TLR2: variants seen among roughly 807,000 people sequenced by gnomAD.
The protein encoded by TLR2 is toll like receptor 2, also known as toll-like receptor 2.
TLR2 carries 7 observed loss-of-function variants against 9.1 expected under a neutral mutation model. That is an observed-to-expected ratio of 0.77 (90% confidence interval 0.44 to 1.44). The LOEUF (loss-of-function observed/expected upper bound fraction) is 1.44. Ranked by LOEUF, TLR2 falls within the 40% of genes most tolerant of loss-of-function variation. TLR2 has a pLI of 0.01. For missense variants in TLR2, 812 were observed against 904.6 expected (o/e 0.90, Z 1.31); for synonymous variants, 317 against 344.6 (o/e 0.92, Z 0.89).
At chr4:153,700,607 G>A (rs1174762266) in intron 2 of TLR2, among the ~76,000 whole-genome samples, 1 of 151,622 alleles carries the variant, frequency 6.6e-6, no homozygotes, top group Admixed American at 6.6e-5. Context: ...TATTCAAAGG[G>A]GCAAGAATAA....
intron 2 of TLR2, 121 bp downstream of exon 2, chr4:153,688,168 C>A (rs1270113074): frequency 1.3e-5 from 2 of 152,180 alleles, no homozygotes; most frequent in Non-Finnish European, 2.9e-5. Context: ...GAAACTGAAA[C>A]TGGACTGGTG....
At chr4:153,706,667 G>C (rs1737342498), downstream of TLR2, among the ~76,000 whole-genome samples, 1 of 152,162 alleles carries the variant, frequency 6.6e-6, no homozygotes, top group African/African-American at 2.4e-5. Context: ...ACTTTCTTAA[G>C]CTGGGAACCA....
In TLR2 at chr4:153,684,945, C is replaced by T. The variant is rs982598675; in HGVS notation, c.-163+585C>T. 8.6e-5 allele frequency among the ~76,000 whole-genome samples: 13 copies of T among 151,172 alleles called. No homozygotes were observed. The East Asian group carries it at 2.3e-3, about 27-fold the overall frequency. On this transcript the variant is annotated intron_variant, in intron 1 of 2. Transcript: ENST00000642700. ...TCGGATGACAAAGATTGGGTAAAGG[C>T]TTTCAACGAGCTAGCGTCTGGCAGG...
intron 2 of TLR2, among the ~76,000 whole-genome samples, chr4:153,699,972 G>A (rs1278608010): frequency 6.6e-6 from 1 of 152,172 alleles, no homozygotes; most frequent in Non-Finnish European, 1.5e-5. Flanking sequence ...TTGGCTCATG[G>A]TTCTGCAGGC....
rs540684182 is a variant in TLR2 at position 153,700,328 on chromosome 4, T to A, written c.-16-2564T>A. ...TCACATATATAAATATGTAAAACTA[T>A]TTTAAATGTTTTTAAAGTATCGAAT... On this transcript the variant is annotated intron_variant, in intron 2 of 2. Coordinates refer to ENST00000642700, the MANE Select transcript of TLR2 (RefSeq NM_001318789.2). Among the ~76,000 whole-genome samples, 116 of 152,256 alleles carry A rather than the reference T, an allele frequency of 7.6e-4. 1 individual carries two copies. Among genetic ancestry groups the A allele is most frequent in the African/African-American group, 2.7e-3 (113 of 41,542 alleles).
downstream of TLR2, among the ~76,000 whole-genome samples, chr4:153,709,925 A>C (rs1163712988): frequency 6.6e-6 from 1 of 152,240 alleles, no homozygotes; most frequent in Non-Finnish European, 1.5e-5. Flanking sequence ...GGTAACAAGC[A>C]CATGGAGCAG....
At chr4:153,689,044 A>G (rs1735919326) in intron 2 of TLR2, among the ~76,000 whole-genome samples, 1 of 152,250 alleles carries the variant, frequency 6.6e-6, no homozygotes. Flanking sequence ...GTCTTTATCT[A>G]TTTTAATGGG....
In TLR2 at chr4:153,703,454, G is replaced by A. The variant is rs1240306587; in HGVS notation, c.547G>A (p.Ala183Thr). The change falls in exon 3 of 3, where the codon GCT becomes ACT. Residue 183 changes from alanine to threonine, a missense_variant. By Grantham distance (58) the Ala-to-Thr change is moderately conservative. Coordinates refer to ENST00000642700, the MANE Select transcript of TLR2 (RefSeq NM_001318789.2). ...CTTCCTTGAGGAACTTGAGATTGAT[G>A]CTTCAGATCTACAGAGCTATGAGCC... ...LTFLEELEIDASDLQSYEPKS... is the reference protein window; with the variant it reads ...LTFLEELEIDTSDLQSYEPKS... 1.9e-6 allele frequency: 3 copies of A among 1,613,714 alleles called. No homozygotes were observed. In the East Asian group the frequency reaches 6.7e-5, roughly 36 times the overall value.
chr4:153,692,673 T>C (rs182757418), intron 2 of TLR2, among the ~76,000 whole-genome samples: 54 of 152,326 alleles, frequency 3.5e-4, no homozygotes, highest in African/African-American at 1.1e-3. Context: ...TGTATAATTA[T>C]TCTGGAATTA....
chr4:153,689,924 C>A (rs891658786), intron 2 of TLR2, among the ~76,000 whole-genome samples: 1 of 152,194 alleles, frequency 6.6e-6, no homozygotes, highest in East Asian at 1.9e-4. Flanking sequence ...TTTGGGTCCT[C>A]CTCAGCATCA....
intron 1 of TLR2, among the ~76,000 whole-genome samples, chr4:153,685,744 TAACA>T (rs1411275365): frequency 4.6e-5 from 7 of 151,960 alleles, no homozygotes; most frequent in Non-Finnish European, 8.8e-5. Context: ...ATTGATAAAC[TAACA>T]GAGTAGAAAA....
intron 2 of TLR2, among the ~76,000 whole-genome samples, chr4:153,698,444 A>C (rs78369176): frequency 0.028 from 4,305 of 152,296 alleles, 204 homozygotes; most frequent in African/African-American, 0.097. Flanking sequence ...ACTGATATTT[A>C]AAATGATATA....
At chr4:153,700,937 G>A (rs562705513) in intron 2 of TLR2, among the ~76,000 whole-genome samples, 1 of 152,140 alleles carries the variant, frequency 6.6e-6, no homozygotes, top group African/African-American at 2.4e-5. Flanking sequence ...TGGGAAAAAA[G>A]TGAATCCTTC....
At chr4:153,707,278 A>G (rs1364866183), downstream of TLR2, among the ~76,000 whole-genome samples, 1 of 152,106 alleles carries the variant, frequency 6.6e-6, no homozygotes, top group African/African-American at 2.4e-5. Context: ...CTTAAAAAAA[A>G]TCAGGCTTGG....
At chr4:153,686,267 T>C (rs960107830) in intron 1 of TLR2, among the ~76,000 whole-genome samples, 3 of 152,198 alleles carry the variant, frequency 2.0e-5, no homozygotes, top group Non-Finnish European at 2.9e-5. Context: ...CTCTCAACAC[T>C]GTTGCATTGA....
downstream of TLR2, among the ~76,000 whole-genome samples, chr4:153,706,915 T>C (rs1737349347): frequency 6.6e-6 from 1 of 152,186 alleles, no homozygotes; most frequent in Admixed American, 6.5e-5. Flanking sequence ...CCTAAGCTCC[T>C]TGATTCCCAT....
At chr4:153,691,396 C>T (rs973390227) in intron 2 of TLR2, among the ~76,000 whole-genome samples, 8 of 152,078 alleles carry the variant, frequency 5.3e-5, no homozygotes, top group South Asian at 2.1e-4. Context: ...TTTAACAATC[C>T]GAATTCTCCC....
intron 2 of TLR2, among the ~76,000 whole-genome samples, chr4:153,700,076 G>C (rs1481734850): frequency 6.6e-6 from 1 of 152,104 alleles, no homozygotes; most frequent in Non-Finnish European, 1.5e-5. Flanking sequence ...GTGAGAGAGG[G>C]AGTGAGAGGG....
intron 2 of TLR2, among the ~76,000 whole-genome samples, chr4:153,696,321 A>G (rs1269739723): frequency 1.3e-5 from 2 of 152,184 alleles, no homozygotes; most frequent in African/African-American, 4.8e-5. Context: ...AACATGGAAT[A>G]TCTTTCCATT....
Sources: allele counts gnomAD v4.1 joint callset (sites outside exome capture counted in the v4.1 genomes callset), GRCh38; gene constraint gnomAD v4.1.1; transcripts MANE v1.5; gene names NCBI Gene and HGNC (gene_info 2026-07-23, HGNC 2026-07-21).